The following PTPRO variants were observed in gnomAD, a reference collection of about 807,000 sequenced individuals.
PTPRO encodes receptor-type tyrosine-protein phosphatase O.
In PTPRO, 62 loss-of-function variants were observed where a neutral mutation model predicts 145.2. That is an observed-to-expected ratio of 0.43 (90% CI 0.35 to 0.53). PTPRO has a LOEUF of 0.53. Ranked by LOEUF, PTPRO falls within the 20% of genes least tolerant of loss-of-function variation. PTPRO has a pLI of 0.01. For synonymous variants in PTPRO, 565 were observed against 514.7 expected (o/e 1.10, Z -1.32); for missense variants, 1,345 against 1,482.7 (o/e 0.91, Z 1.53).
At chr12:15,468,397 A>T (rs1941465218) in intron 1 of PTPRO, among the ~76,000 whole-genome samples, 1 of 152,194 alleles carries the variant, frequency 6.6e-6, no homozygotes, top group Non-Finnish European at 1.5e-5. Context: ...GTTTCCCATG[A>T]TGCCACCTCT....
At chr12:15,408,881 T>C (rs781183083) in intron 1 of PTPRO, among the ~76,000 whole-genome samples, 34 of 152,150 alleles carry the variant, frequency 2.2e-4, no homozygotes, top group Middle Eastern at 3.2e-3. Flanking sequence ...GATATAAACA[T>C]TTGTCCAATC....
intron 1 of PTPRO, among the ~76,000 whole-genome samples, chr12:15,415,123 A>G (rs1403411272): frequency 1.3e-5 from 2 of 152,334 alleles, no homozygotes; most frequent in East Asian, 3.9e-4. Flanking sequence ...GAGATGGGAC[A>G]GAGATGGCTT....
At chr12:15,440,193 C>A in intron 1 of PTPRO, 1 of 680,082 alleles carries the variant, frequency 1.5e-6, no homozygotes, top group East Asian at 2.9e-5. Flanking sequence ...GACTGCTACA[C>A]CTTAGCCAGG....
chr12:15,525,018 CT>C, intron 11 of PTPRO, 53 bp downstream of exon 11: 1 of 1,584,074 alleles, frequency 6.3e-7, no homozygotes, highest in Non-Finnish European at 8.6e-7. Flanking sequence ...GTTTTATGAA[CT>C]ATTGAAAACC....
intron 1 of PTPRO, among the ~76,000 whole-genome samples, chr12:15,409,793 A>G (rs1040397512): frequency 2.6e-5 from 4 of 152,222 alleles, no homozygotes; most frequent in Admixed American, 6.5e-5. Context: ...CTCACTCACT[A>G]TCTCAAGGAC....
At chr12:15,538,514 C>T (rs1001651688) in intron 12 of PTPRO, among the ~76,000 whole-genome samples, 11 of 152,294 alleles carry the variant, frequency 7.2e-5, no homozygotes, top group South Asian at 4.1e-4. Context: ...TGAGCCACCG[C>T]GCCCGGCCCA....
chr12:15,543,622 A>G (rs2135543768), intron 12 of PTPRO, among the ~76,000 whole-genome samples: 1 of 152,318 alleles, frequency 6.6e-6, no homozygotes, highest in South Asian at 2.1e-4. Flanking sequence ...ATAGGTGGCT[A>G]CTTCAAATGA....
At chr12:15,388,893 G>A (rs955312749) in intron 1 of PTPRO, among the ~76,000 whole-genome samples, 1 of 151,378 alleles carries the variant, frequency 6.6e-6, no homozygotes, top group African/African-American at 2.4e-5. Flanking sequence ...AATGAAATCC[G>A]CATAAAGTGT....
intron 1 of PTPRO, among the ~76,000 whole-genome samples, chr12:15,465,208 C>T (rs1318940707): frequency 6.6e-6 from 1 of 152,140 alleles, no homozygotes; most frequent in Non-Finnish European, 1.5e-5. Context: ...ATTTATAAAA[C>T]ATAAATATCA....
intron 1 of PTPRO, among the ~76,000 whole-genome samples, chr12:15,461,027 C>G (rs529157272): frequency 6.6e-6 from 1 of 152,234 alleles, no homozygotes; most frequent in African/African-American, 2.4e-5. Context: ...TGACAGGAAG[C>G]TGGAGGTCAG....
chr12:15,438,476 A>G (rs1180419641), intron 1 of PTPRO, among the ~76,000 whole-genome samples: 1 of 152,140 alleles, frequency 6.6e-6, no homozygotes, highest in Non-Finnish European at 1.5e-5. Flanking sequence ...AAAGCAACCC[A>G]GGAAATGAAC....
intron 1 of PTPRO, among the ~76,000 whole-genome samples, chr12:15,382,817 CTT>C (rs1938904463): frequency 1.3e-5 from 2 of 152,062 alleles, no homozygotes; most frequent in African/African-American, 2.4e-5. Context: ...TATTATAAGT[CTT>C]TTTAGAATTG....
intron 10 of PTPRO, among the ~76,000 whole-genome samples, chr12:15,521,839 T>C (rs945794976): frequency 6.6e-6 from 1 of 152,190 alleles, no homozygotes; most frequent in Non-Finnish European, 1.5e-5. Flanking sequence ...GGTATGCCTT[T>C]CAAGATGGAA....
chr12:15,456,277 G>T (rs1941175294), intron 1 of PTPRO, among the ~76,000 whole-genome samples: 1 of 152,140 alleles, frequency 6.6e-6, no homozygotes, highest in Admixed American at 6.5e-5. Flanking sequence ...CACATTAGTT[G>T]ATTTTCATAT....
chr12:15,565,466 T>A, intron 17 of PTPRO, 127 bp from the exon 18 acceptor site: 1 of 640,298 alleles, frequency 1.6e-6, no homozygotes, highest in South Asian at 1.8e-5. Flanking sequence ...AAACCTGATA[T>A]GTGTTTAATG....
chr12:15,322,894 GGGCACGAT>G lies in PTPRO; in HGVS notation c.75+97_75+104del. On this transcript the variant is annotated intron_variant, in intron 1 of 26. Coordinates refer to ENST00000281171, the MANE Select transcript of PTPRO (RefSeq NM_030667.3). The surrounding 1 kb of genome is among the most constrained non-coding windows in gnomAD (Gnocchi z 6.3). ...CTGCCGTTGGGAGCGGCGCGCCCCA[GGGCACGAT>G]GGCCCAGCCGCGGGAAGCGCCTGCC... The G allele has an allele frequency of 7.6e-7, 1 of 1,314,048 alleles. No homozygotes were observed. 81.4% of individuals were successfully genotyped at this position (1,314,048 alleles called of 1,614,324 possible).
At chr12:15,418,261 C>T (rs1166227635) in intron 1 of PTPRO, among the ~76,000 whole-genome samples, 1 of 151,620 alleles carries the variant, frequency 6.6e-6, no homozygotes, top group African/African-American at 2.4e-5. Context: ...CACAACAGGC[C>T]CTACATATTA....
chr12:15,452,960 G>A (rs1941084338), intron 1 of PTPRO, among the ~76,000 whole-genome samples: 1 of 152,068 alleles, frequency 6.6e-6, no homozygotes, highest in Non-Finnish European at 1.5e-5. Context: ...AAATTTTCCA[G>A]ATCTGAGTGA....
At position 15,347,703 on chromosome 12, in the gene PTPRO, C is replaced by G. The variant is rs550472324; in HGVS notation, c.75+24902C>G. Among the ~76,000 whole-genome samples, 18 of 152,222 alleles carry G rather than the reference C, an allele frequency of 1.2e-4. 2 individuals are homozygous for G. In the South Asian group the frequency reaches 3.7e-3, roughly 32 times the overall value. On this transcript the variant is annotated intron_variant, in intron 1 of 26. Transcript: ENST00000281171. ...AAGTATTAACAAAAAAGGACTGAAC[C>G]AGAGACTCTTAGTAGTTTTCTGTAG...
Sources: gnomAD v4.1 joint callset for allele counts (sites outside exome capture counted in the v4.1 genomes callset) on GRCh38, gnomAD v4.1.1 for gene constraint, Gnocchi (gnomAD v3.1) non-coding constraint, MANE v1.5 for transcripts, NCBI Gene and HGNC (gene_info 2026-07-23, HGNC 2026-07-21) for gene names.